The following KCNAB1 variants were observed in gnomAD, a reference collection of about 807,000 sequenced individuals.
KCNAB1 encodes the protein voltage-gated potassium channel subunit beta-1.
Under a neutral mutation model 64.6 loss-of-function variants are expected in KCNAB1, and 35 were observed. The ratio of observed to expected loss-of-function variants is 0.54; its 90% CI spans 0.41 to 0.72. The LOEUF (loss-of-function observed/expected upper bound fraction) is 0.72, where lower values mean the gene tolerates loss of function less well. KCNAB1 is among the 30% of genes least tolerant of loss of function. KCNAB1 has a pLI of 0.00. For synonymous variants in KCNAB1, 177 were observed against 183.8 expected, an observed-to-expected ratio of 0.96 and a Z score of 0.30; for missense variants, 401 against 512.9, an observed-to-expected ratio of 0.78 and a Z score of 2.11.
chr3:156,242,178 C>T (rs1717198308), intron 1 of KCNAB1, among the ~76,000 whole-genome samples: 1 of 152,176 alleles, frequency 6.6e-6, no homozygotes, highest in Non-Finnish European at 1.5e-5. Flanking sequence ...AATCTGTAAA[C>T]TCTCATGTCC....
At chr3:156,441,919 C>T (rs1480884405) in intron 2 of KCNAB1, among the ~76,000 whole-genome samples, 1 of 152,134 alleles carries the variant, frequency 6.6e-6, no homozygotes, top group African/African-American at 2.4e-5. Flanking sequence ...CTTGTAGAAA[C>T]TCTTGCTCAT....
At chr3:156,414,477 C>T (rs535498424) in intron 1 of KCNAB1, among the ~76,000 whole-genome samples, 10 of 151,936 alleles carry the variant, frequency 6.6e-5, no homozygotes, top group African/African-American at 1.2e-4. Context: ...AAATGGTGAG[C>T]GTAAATGATT....
chr3:156,432,941 G>A (rs1361798675), intron 2 of KCNAB1, among the ~76,000 whole-genome samples: 1 of 152,172 alleles, frequency 6.6e-6, no homozygotes, highest in Non-Finnish European at 1.5e-5. Flanking sequence ...TTCCAGGGAG[G>A]ACTGGTTGGC....
At chr3:156,219,460 A>G (rs1452921433) in intron 1 of KCNAB1, among the ~76,000 whole-genome samples, 1 of 152,132 alleles carries the variant, frequency 6.6e-6, no homozygotes, top group East Asian at 1.9e-4. Flanking sequence ...AATTTGGACT[A>G]TGTTAAATGT....
chr3:156,428,053 A>G (rs920937523), intron 2 of KCNAB1, among the ~76,000 whole-genome samples: 4 of 152,200 alleles, frequency 2.6e-5, no homozygotes, highest in Non-Finnish European at 2.9e-5. Context: ...AAAAAGGCAC[A>G]TCATGGTTAA....
At chr3:156,301,150 A>G (rs1677903083) in intron 1 of KCNAB1, among the ~76,000 whole-genome samples, 1 of 152,196 alleles carries the variant, frequency 6.6e-6, no homozygotes, top group South Asian at 2.1e-4. Context: ...CCTGAGGAGC[A>G]CATGCTAATA....
rs1189284731 is a variant in KCNAB1 at position 156,312,716 on chromosome 3, A to AAAAAAAAAC, written c.276-108892_276-108891insCAAAAAAAA. On this transcript the variant is annotated intron_variant, in intron 1 of 13. Transcript: ENST00000490337. ...TGAGACTGTCTCCAAAAAAAAAAAA[A>AAAAAAAAAC]AAAAAAAAAAAAAAACTCATAATAA... Among the ~76,000 whole-genome samples the AAAAAAAAAC allele has an allele frequency of 6.0e-5, 9 of 150,658 alleles. 1 individual carries two copies. Among genetic ancestry groups the AAAAAAAAAC allele is most frequent in the African/African-American group, 2.2e-4 (9 of 41,132 alleles).
chr3:156,457,597 C>A, intron 4 of KCNAB1, 65 bp downstream of exon 4: 1 of 1,359,578 alleles, frequency 7.4e-7, no homozygotes, highest in South Asian at 1.2e-5. Flanking sequence ...CAGCCCAGAC[C>A]ATTTCCAGCA....
chr3:156,488,292 C>G (rs1421760289), intron 8 of KCNAB1, among the ~76,000 whole-genome samples: 1 of 103,588 alleles, frequency 9.7e-6, no homozygotes, highest in Non-Finnish European at 1.8e-5. Context: ...TTGATGGGTG[C>G]TATAAAAAAA....
At chr3:156,391,553 G>A (rs1482176010) in intron 1 of KCNAB1, among the ~76,000 whole-genome samples, 1 of 152,200 alleles carries the variant, frequency 6.6e-6, no homozygotes, top group Non-Finnish European at 1.5e-5. Flanking sequence ...TATCTCCACT[G>A]AGGAGCTGTC....
At chr3:156,369,558 G>A (rs112245953) in intron 1 of KCNAB1, among the ~76,000 whole-genome samples, 154 of 152,296 alleles carry the variant, frequency 1.0e-3, no homozygotes, top group African/African-American at 3.6e-3. Flanking sequence ...TTTTAAAGGG[G>A]AGAGAAGCAG....
At chr3:156,479,336 G>T (rs1714614537) in intron 8 of KCNAB1, among the ~76,000 whole-genome samples, 1 of 152,132 alleles carries the variant, frequency 6.6e-6, no homozygotes, top group South Asian at 2.1e-4. Flanking sequence ...ACAAGAAAAA[G>T]TTCAGGCAAT....
chr3:156,342,585 CTTTTTTTT>C (rs60982892), intron 1 of KCNAB1, among the ~76,000 whole-genome samples: 2 of 86,252 alleles, frequency 2.3e-5, no homozygotes, highest in East Asian at 3.8e-4. Context: ...CTATGTGTTT[CTTTTTTTT>C]TTTTTTTTTT....
At chr3:156,166,687 C>G (rs992930199) in intron 1 of KCNAB1, among the ~76,000 whole-genome samples, 2 of 152,122 alleles carry the variant, frequency 1.3e-5, no homozygotes, top group Non-Finnish European at 2.9e-5. Flanking sequence ...TGCAAACATT[C>G]TCTTTGCTTT....
At chr3:156,236,184 C>T (rs1716838726) in intron 1 of KCNAB1, among the ~76,000 whole-genome samples, 1 of 152,174 alleles carries the variant, frequency 6.6e-6, no homozygotes, top group Non-Finnish European at 1.5e-5. Context: ...CTCTTTTCAG[C>T]TCATTTGAAA....
rs4680246 is a variant in KCNAB1, at chr3:156,221,784, G to T, written c.275+100898G>T. Among the ~76,000 whole-genome samples the T allele has an allele frequency of 1.6e-3, 217 of 139,056 alleles. 3 individuals are homozygous for T. Among genetic ancestry groups the T allele is most frequent in the Admixed American group, 0.014 (196 of 13,910 alleles). The allele number at this position is 139,056 out of a possible 152,430, so 91.2% of individuals were successfully genotyped here. A position where few individuals can be genotyped will look rare whatever the true frequency, so the allele number is the denominator to read the frequency against. On this transcript the variant is annotated intron_variant, in intron 1 of 13. Transcript: ENST00000490337. ...AAAGAGCAAAACTCCATCCCCCCCC[G>T]CCAAAAAAAAAGTTTTGTGTCCAGC...
At chr3:156,536,525 G>C (rs1174574326) in intron 13 of KCNAB1, 133 bp from the exon 14 acceptor site, 3 of 683,962 alleles carry the variant, frequency 4.4e-6, no homozygotes, top group Non-Finnish European at 2.6e-6. Flanking sequence ...GGTGTTGGGG[G>C]CGGGGGGCTT....
intron 1 of KCNAB1, among the ~76,000 whole-genome samples, chr3:156,165,167 A>AGG (rs1711504941): frequency 6.7e-6 from 1 of 148,274 alleles, no homozygotes; most frequent in Admixed American, 6.8e-5. Flanking sequence ...AGTCCCAGCT[A>AGG]CTTGGGAGGC....
At chr3:156,413,264 G>A (rs1269512998) in intron 1 of KCNAB1, among the ~76,000 whole-genome samples, 1 of 152,132 alleles carries the variant, frequency 6.6e-6, no homozygotes, top group Non-Finnish European at 1.5e-5. Flanking sequence ...ACCTATGCTG[G>A]TTAAAAGAAA....
Sources: gnomAD v4.1 joint callset for allele counts (sites outside exome capture counted in the v4.1 genomes callset) on GRCh38, gnomAD v4.1.1 for gene constraint, MANE v1.5 for transcripts, NCBI Gene and HGNC (gene_info 2026-07-23, HGNC 2026-07-21) for gene names.